IPO7: variants seen among roughly 807,000 people sequenced by gnomAD.
The protein encoded by IPO7 is importin 7.
Under a neutral mutation model 136.4 loss-of-function variants are expected in IPO7, and 13 were observed. That is an observed-to-expected ratio of 0.10 (90% CI 0.06 to 0.15). IPO7 has a LOEUF of 0.15. Ranked by LOEUF, IPO7 falls within the 10% of genes least tolerant of loss-of-function variation. The pLI is 1.00. For synonymous variants in IPO7, 403 were observed against 404.4 expected (o/e 1.00, Z 0.04); for missense variants, 857 against 1,240.6 (o/e 0.69, Z 4.65).
In IPO7 at chr11:9,438,277, A is replaced by G. The variant is rs1419169513; in HGVS notation, c.2687A>G (p.Asp896Gly). ...SDDDDEAEDD[D>G]ETEELGSDED... Reference sequence around the variant, plus strand: ...GATGATGATGAAGCTGAAGATGATGATGAAACCGGTAAGGGATTTTCAATG... The same window carrying G: ...GATGATGATGAAGCTGAAGATGATGGTGAAACCGGTAAGGGATTTTCAATG... Residue 896 changes from aspartate (D) to glycine (G), a missense_variant, in exon 22 of 25, where the codon GAT (aspartate) becomes GGT (glycine). Transcript: ENST00000379719. 6.5e-6 allele frequency: 10 copies of G among 1,530,342 alleles called. No individual in the cohort carries two copies. Among genetic ancestry groups the G allele is most frequent in the Non-Finnish European group, 8.1e-6 (9 of 1,106,556 alleles). The allele number at this position is 1,530,342 out of a possible 1,614,324, so 94.8% of individuals were successfully genotyped here. A position where few individuals can be genotyped will look rare whatever the true frequency, so the allele number is the denominator to read the frequency against.
intron 1 of IPO7, among the ~76,000 whole-genome samples, chr11:9,401,616 T>G (rs1011600362): frequency 3.9e-5 from 6 of 152,034 alleles, no homozygotes; most frequent in Admixed American, 1.3e-4. Context: ...ATATGTAACC[T>G]TTTTGTACCA....
intron 1 of IPO7, chr11:9,403,074 A>G (rs902294777): frequency 1.8e-5 from 10 of 558,658 alleles, no homozygotes; most frequent in African/African-American, 3.8e-5. Flanking sequence ...GTGCAGTGCT[A>G]TACAGGCTAA....
rs554150189 is a variant in IPO7 at position 9,440,696 on chromosome 11, T to TGA, written c.2902+36_2902+37dup. 1.6e-4 allele frequency: 235 copies of TGA among 1,437,952 alleles called. No individual in the cohort carries two copies. The East Asian group carries it at 2.2e-3, about 13-fold the overall frequency. The allele number at this position is 1,437,952 out of a possible 1,614,324, so 89.1% of individuals were successfully genotyped here. On this transcript the variant is annotated intron_variant, in intron 23 of 24. Coordinates refer to ENST00000379719, the MANE Select transcript of IPO7 (RefSeq NM_006391.3). ...CTTGTTACATGTGGATCCATTTCAT[T>TGA]GAACAAATCTGTTGTAGTTTCTGCC... is the stretch of plus-strand genomic sequence containing the variant.
At chr11:9,398,767 A>G (rs1468548286) in intron 1 of IPO7, among the ~76,000 whole-genome samples, 1 of 152,156 alleles carries the variant, frequency 6.6e-6, no homozygotes, top group Non-Finnish European at 1.5e-5. Flanking sequence ...GCTATTTGAA[A>G]ATATACAATA....
intron 4 of IPO7, among the ~76,000 whole-genome samples, chr11:9,411,181 A>G (rs537983774): frequency 6.6e-6 from 1 of 152,162 alleles, no homozygotes; most frequent in African/African-American, 2.4e-5. Context: ...TCTTAGCAGG[A>G]GGGAATATGA....
intron 2 of IPO7, among the ~76,000 whole-genome samples, chr11:9,408,248 T>C (rs908120173): frequency 6.6e-6 from 1 of 152,198 alleles, no homozygotes; most frequent in African/African-American, 2.4e-5. Flanking sequence ...TCTGGGGTTG[T>C]TTATTTGCAG....
At chr11:9,429,630 A>G (rs560427854) in intron 14 of IPO7, 44 bp from the exon 15 acceptor site, 4 of 1,508,136 alleles carry the variant, frequency 2.7e-6, no homozygotes, top group Admixed American at 2.2e-5. Flanking sequence ...GGTTTTAAGA[A>G]GTTTTAGGGG....
intron 10 of IPO7, among the ~76,000 whole-genome samples, chr11:9,424,520 G>A (rs1212458145): frequency 6.6e-6 from 1 of 152,214 alleles, no homozygotes; most frequent in Non-Finnish European, 1.5e-5. Context: ...GAGGCAGGCA[G>A]ATCGTTTGAG....
rs548610621 is a variant in IPO7 at position 9,427,093 on chromosome 11, G to A, written c.1336-1447G>A. On this transcript the variant is annotated intron_variant, in intron 12 of 24. Coordinates refer to ENST00000379719, the MANE Select transcript of IPO7 (RefSeq NM_006391.3). ...TCAAACTCCTGGCTTCAGGTGATCCGCCTGCCTCAGCCTCCCAAAGTGCCA... is the reference window on the plus strand; with the variant it reads ...TCAAACTCCTGGCTTCAGGTGATCCACCTGCCTCAGCCTCCCAAAGTGCCA... Among the ~76,000 whole-genome samples the A allele has an allele frequency of 1.5e-4, 23 of 151,696 alleles. No homozygotes were observed. The South Asian group carries it at 4.2e-3, about 27-fold the overall frequency.
At chr11:9,442,009 G>A (rs1590456068) in intron 23 of IPO7, 72 bp from the exon 24 acceptor site, 2 of 699,910 alleles carry the variant, frequency 2.9e-6, no homozygotes, top group East Asian at 2.6e-5. Flanking sequence ...GGAGTAGGAG[G>A]AATAGTGTAG....
At chr11:9,444,290 T>A (rs10681883) in intron 24 of IPO7, among the ~76,000 whole-genome samples, 1 of 149,584 alleles carries the variant, frequency 6.7e-6, no homozygotes, top group African/African-American at 2.5e-5. Context: ...AAAAAAAAAA[T>A]AAACAAAAGT....
intron 3 of IPO7, 65 bp downstream of exon 3, chr11:9,408,704 G>GTTTTTTTTTT (rs377057603): frequency 3.5e-5 from 6 of 173,320 alleles, no homozygotes; most frequent in East Asian, 1.8e-4. Context: ...TTGTTTTTTG[G>GTTTTTTTTTT]TTTTTTTTTT....
rs779651042 is a variant in IPO7 at position 9,417,139 on chromosome 11, T to C, written c.717T>C (p.Asp239=). The C allele has an allele frequency of 2.8e-6, 4 of 1,424,346 alleles. 1 individual carries two copies. The highest frequency in any genetic ancestry group is 3.6e-5 in the Admixed American group (2 of 55,452). The allele number at this position is 1,424,346 out of a possible 1,614,324, so 88.2% of individuals were successfully genotyped here. A position where few individuals can be genotyped will look rare whatever the true frequency, so the allele number is the denominator to read the frequency against. The part of the protein sequence containing the change: ...IEILKTVVNR[D]VPNETLQVEE... ...TTTTAAAGACTGTTGTGAACAGGGATGTACCTAATGTAAGTTTCTGTATGT... is the reference window on the plus strand; with the variant it reads ...TTTTAAAGACTGTTGTGAACAGGGACGTACCTAATGTAAGTTTCTGTATGT... Residue 239 remains aspartate (D), a synonymous_variant, in exon 6 of 25, where the codon GAT becomes GAC. Transcript: ENST00000379719.
intron 16 of IPO7, among the ~76,000 whole-genome samples, chr11:9,432,670 G>A (rs1048606381): frequency 6.6e-6 from 1 of 152,114 alleles, no homozygotes; most frequent in Non-Finnish European, 1.5e-5. Context: ...TATCTGATTA[G>A]TGGATATTAT....
intron 1 of IPO7, among the ~76,000 whole-genome samples, chr11:9,395,753 G>A (rs929879325): frequency 3.3e-5 from 5 of 151,590 alleles, no homozygotes; most frequent in African/African-American, 2.4e-5. Flanking sequence ...GGCTCACTCC[G>A]TTCCCCAGGC....
chr11:9,388,622 G>A (rs1016250542), intron 1 of IPO7, among the ~76,000 whole-genome samples: 4 of 151,920 alleles, frequency 2.6e-5, no homozygotes, highest in Non-Finnish European at 5.9e-5. Context: ...GAGACTACGG[G>A]GATGTGCCAC....
At position 9,397,333 on chromosome 11, in the gene IPO7, T is replaced by TAAAAAAAAA. The variant is rs1238499611; in HGVS notation, c.85-5956_85-5948dup. ...AACCCCGTCTTTACTAAAAATAATT[T>TAAAAAAAAA]AAAAAAAAATATATATATATATATA... is the stretch of plus-strand genomic sequence containing the variant. On this transcript the variant is annotated intron_variant, in intron 1 of 24. Transcript: ENST00000379719. Among the ~76,000 whole-genome samples the TAAAAAAAAA allele has an allele frequency of 1.5e-4, 8 of 52,910 alleles. 1 individual carries two copies. The highest frequency in any genetic ancestry group is 5.5e-4 in the African/African-American group (7 of 12,662). The allele number at this position is 52,910 out of a possible 152,430, so 34.7% of individuals were successfully genotyped here.
At position 9,384,856 on chromosome 11, in the gene IPO7, GC is replaced by G; in HGVS notation, c.84+12del. On this transcript the variant is annotated intron_variant, in intron 1 of 24. Transcript: ENST00000379719. ...AGCGCCAGCTCAATGAAGTAAGGAC[GC>G]CCGGCTAGCGGTGGCGGCGGGCAGG... 1 of 1,586,652 alleles carries G rather than the reference GC, an allele frequency of 6.3e-7. No homozygotes were observed. The highest frequency in any genetic ancestry group is 2.3e-5 in the East Asian group (1 of 43,172).
intron 20 of IPO7, among the ~76,000 whole-genome samples, chr11:9,437,433 T>C (rs1855394512): frequency 6.8e-6 from 1 of 146,786 alleles, no homozygotes; most frequent in Non-Finnish European, 1.5e-5. Context: ...TTTTTGTATT[T>C]TTAGTAGAGA....
Sources: allele counts gnomAD v4.1 joint callset (sites outside exome capture counted in the v4.1 genomes callset), GRCh38; gene constraint gnomAD v4.1.1; transcripts MANE v1.5; gene names NCBI Gene and HGNC (gene_info 2026-07-23, HGNC 2026-07-21).